Variants in BAZ2B observed in about 807,000 individuals in gnomAD.
BAZ2B encodes the protein bromodomain adjacent to zinc finger domain 2B.
A neutral mutation model predicts 246.0 loss-of-function variants in BAZ2B; 91 were observed. That is an observed-to-expected ratio of 0.37 (90% CI 0.31 to 0.44). BAZ2B has a LOEUF of 0.44. BAZ2B is among the 20% of genes least tolerant of loss of function. The probability of loss-of-function intolerance (pLI) is 1.00; values close to 1 mark genes in which losing one functional copy is unlikely to be tolerated. For missense variants in BAZ2B, 2,332 were observed against 2,533.7 expected (o/e 0.92, Z 1.71); for synonymous variants, 855 against 860.0 (o/e 0.99, Z 0.10).
intron 2 of BAZ2B, among the ~76,000 whole-genome samples, chr2:159,537,879 CT>C (rs145425774): frequency 0.031 from 4,738 of 152,164 alleles, 248 homozygotes; most frequent in African/African-American, 0.11. Context: ...AATCTACCAT[CT>C]TTTTTTAGGA....
chr2:159,580,814 G>A (rs1686579249), intron 1 of BAZ2B, among the ~76,000 whole-genome samples: 1 of 152,038 alleles, frequency 6.6e-6, no homozygotes, highest in Admixed American at 6.6e-5. Flanking sequence ...CAAGCAATGG[G>A]GAAAGGATTC....
intron 27 of BAZ2B, among the ~76,000 whole-genome samples, chr2:159,357,174 C>A (rs2059204635): frequency 6.6e-6 from 1 of 151,914 alleles, no homozygotes; most frequent in Non-Finnish European, 1.5e-5. Flanking sequence ...ATAACAAACT[C>A]CTCTGAGCTA....
At chr2:159,549,218 C>A (rs2087790701) in intron 2 of BAZ2B, among the ~76,000 whole-genome samples, 1 of 152,014 alleles carries the variant, frequency 6.6e-6, no homozygotes, top group African/African-American at 2.4e-5. Context: ...GAGGCGGAGG[C>A]TGCAGTGAGC....
intron 27 of BAZ2B, among the ~76,000 whole-genome samples, chr2:159,356,480 G>A (rs1425215155): frequency 3.3e-5 from 5 of 152,224 alleles, no homozygotes; most frequent in African/African-American, 7.2e-5. Context: ...AAGAAAGACA[G>A]CAGCCCCAGT....
chr2:159,387,150 A>G (rs1482527347), intron 21 of BAZ2B, among the ~76,000 whole-genome samples: 1 of 152,118 alleles, frequency 6.6e-6, no homozygotes, highest in African/African-American at 2.4e-5. Context: ...GAATGCAGAT[A>G]AATAACTAGG....
chr2:159,350,020 T>C lies in BAZ2B; in HGVS notation c.4551A>G (p.Gln1517=). Residue 1517 remains glutamine, a synonymous_variant, in exon 28 of 37, where the codon CAA becomes CAG. Transcript: ENST00000392783. ...SLGSVQSTAT[Q]SNVEKADSNN... is the part of the protein sequence containing the mutation. The stretch of plus-strand genomic sequence containing the variant: ...TAGAGTCTGCCTTTTCCACATTGCT[T>C]TGCGTTGCTGTTGACTGAACGCTGC... 6.2e-7 allele frequency: 1 copy of C among 1,614,218 alleles called. No individual in the cohort carries two copies. Among genetic ancestry groups the C allele is most frequent in the Non-Finnish European group, 8.5e-7 (1 of 1,180,022 alleles).
At chr2:159,347,390 A>G in intron 31 of BAZ2B, 96 bp downstream of exon 31, 1 of 1,326,210 alleles carries the variant, frequency 7.5e-7, no homozygotes, top group Non-Finnish European at 1.1e-6. Context: ...CAAAATAAAA[A>G]CATTTAGCAC....
chr2:159,590,647 A>G (rs1312909113), intron 1 of BAZ2B, among the ~76,000 whole-genome samples: 1 of 152,156 alleles, frequency 6.6e-6, no homozygotes, highest in Non-Finnish European at 1.5e-5. Context: ...AGAATTAAAA[A>G]ATTTTAAGGC....
At chr2:159,540,412 AGATTGG>A (rs1222060011) in intron 2 of BAZ2B, among the ~76,000 whole-genome samples, 1 of 152,188 alleles carries the variant, frequency 6.6e-6, no homozygotes, top group Admixed American at 6.5e-5. Context: ...TAAATGAGAG[AGATTGG>A]CAGTATATAA....
intron 24 of BAZ2B, among the ~76,000 whole-genome samples, chr2:159,383,073 A>G (rs1363419822): frequency 1.3e-5 from 2 of 152,144 alleles, no homozygotes; most frequent in Non-Finnish European, 2.9e-5. Flanking sequence ...GAATTCTAAC[A>G]ATGGCTGAGT....
chr2:159,337,352 C>T (rs1466961808), intron 32 of BAZ2B: 18 of 1,267,998 alleles, frequency 1.4e-5, no homozygotes, highest in Non-Finnish European at 1.8e-5. Context: ...ATAGCATGAT[C>T]CGTATGGATC....
At chr2:159,448,144 C>CA in intron 5 of BAZ2B, 98 bp downstream of exon 5, 3 of 1,393,874 alleles carry the variant, frequency 2.2e-6, no homozygotes, top group Non-Finnish European at 1.9e-6. Flanking sequence ...AACAAACAAA[C>CA]AAAAACAAAA....
Position 159,324,892 on chromosome 2 carries a change from A to C in BAZ2B, c.6272T>G (p.Leu2091Trp). Residue 2091 changes from leucine (L) to tryptophan (W), a missense_variant, in exon 36 of 37, where the codon TTG (leucine) becomes TGG (tryptophan). Coordinates refer to ENST00000392783, the MANE Select transcript of BAZ2B (RefSeq NM_013450.4). ...TTTCTTATAACCAGGAACAAGTTTC[A>C]AGTTTACAGGAAGTAGAAAAGGCCA... Reference protein sequence around the residue: ...DAWPFLLPVNLKLVPGYKKVI... With the variant: ...DAWPFLLPVNWKLVPGYKKVI... 1 of 1,559,064 alleles carries C rather than the reference A, an allele frequency of 6.4e-7. No individual in the cohort carries two copies. The highest frequency in any genetic ancestry group is 1.2e-5 in the South Asian group (1 of 80,806).
chr2:159,382,475 C>T (rs2062103642), intron 25 of BAZ2B, 84 bp downstream of exon 25: 1 of 1,365,932 alleles, frequency 7.3e-7, no homozygotes, highest in South Asian at 1.5e-5. Context: ...GAATTCAAAT[C>T]CGAATCCATC....
At chr2:159,397,156 C>A (rs1001515284) in intron 19 of BAZ2B, 189 bp downstream of exon 19, 10 of 1,462,580 alleles carry the variant, frequency 6.8e-6, no homozygotes, top group Non-Finnish European at 9.2e-6. Flanking sequence ...GTCATAAAAC[C>A]AATTTTTTAA....
At chr2:159,517,224 G>A (rs567156277) in intron 2 of BAZ2B, among the ~76,000 whole-genome samples, 1 of 151,408 alleles carries the variant, frequency 6.6e-6, no homozygotes, top group East Asian at 1.9e-4. Context: ...ATATCAAAAA[G>A]AAAACAAAAC....
chr2:159,643,343 T>C, the BAZ2B span, among the ~76,000 whole-genome samples: 1 of 152,168 alleles, frequency 6.6e-6, no homozygotes, highest in African/African-American at 2.4e-5. Flanking sequence ...CTTCCTAACA[T>C]GGCATAGGGG....
intron 1 of BAZ2B, among the ~76,000 whole-genome samples, chr2:159,573,154 T>G (rs955235406): frequency 7.9e-5 from 12 of 152,152 alleles, no homozygotes; most frequent in African/African-American, 2.9e-4. Flanking sequence ...TAATTTCAGA[T>G]AAAATAGCAT....
intron 13 of BAZ2B, among the ~76,000 whole-genome samples, chr2:159,424,884 C>G (rs2069495320): frequency 6.6e-6 from 1 of 152,156 alleles, no homozygotes; most frequent in African/African-American, 2.4e-5. Context: ...GGAAAAATGT[C>G]TGTACATGTT....
Sources: gnomAD v4.1 joint callset for allele counts (sites outside exome capture counted in the v4.1 genomes callset) on GRCh38, gnomAD v4.1.1 for gene constraint, MANE v1.5 for transcripts, NCBI Gene and HGNC (gene_info 2026-07-23, HGNC 2026-07-21) for gene names.